Variants in C4orf50 observed in about 807,000 individuals in gnomAD.
C4orf50 encodes uncharacterized protein C4orf50.
In C4orf50, 80 loss-of-function variants were observed where a neutral mutation model predicts 77.2. That is an observed-to-expected ratio of 1.04 (90% confidence interval 0.87 to 1.25). The LOEUF is 1.25. Among genes scored for constraint, C4orf50 ranks in the 50% most tolerant of loss-of-function variants. The pLI is 0.00. For missense variants in C4orf50, 1,257 were observed against 1,152.9 expected (o/e 1.09, Z -1.31); for synonymous variants, 532 against 465.3 (o/e 1.14, Z -1.84).
intron 7 of C4orf50, among the ~76,000 whole-genome samples, chr4:5,944,631 G>A (rs1718406274): frequency 6.6e-6 from 1 of 152,106 alleles, no homozygotes; most frequent in East Asian, 1.9e-4. Flanking sequence ...CCCCACGCCT[G>A]GCCTGTGCTG....
intron 7 of C4orf50, among the ~76,000 whole-genome samples, chr4:5,914,398 G>T (rs1235709314): frequency 6.6e-6 from 1 of 151,812 alleles, no homozygotes; most frequent in Non-Finnish European, 1.5e-5. Context: ...TAGAGATGGG[G>T]TTTCACCGTG....
In C4orf50 at chr4:5,908,557, C is replaced by T. The variant is rs535156213; in HGVS notation, c.*2475-10369G>A. Among the ~76,000 whole-genome samples the T allele has an allele frequency of 5.9e-5, 9 of 152,000 alleles. No individual in the cohort carries two copies. The highest frequency in any genetic ancestry group is 2.1e-4 in the South Asian group (1 of 4,806). On this transcript the variant is annotated intron_variant, in intron 7 of 7. Transcript: ENST00000324058. This position sits in a 1 kb window ranked among gnomAD's most constrained non-coding sequence, Gnocchi z 5.6. ...ATGGCAGAGACTCCAAGCAGGGAGA[C>T]GACCATGCGATGGGGAGGGGGGAAA...
At chr4:6,003,844 G>A (rs1721988299) in intron 25 of C4orf50, among the ~76,000 whole-genome samples, 1 of 116,050 alleles carries the variant, frequency 8.6e-6, no homozygotes, top group Non-Finnish European at 1.8e-5. Context: ...ATGTGATAGT[G>A]ATGATGGTGA....
intron 31 of C4orf50, among the ~76,000 whole-genome samples, chr4:5,969,453 GC>G (rs1175233039): frequency 3.0e-5 from 4 of 134,560 alleles, no homozygotes; most frequent in African/African-American, 9.4e-5. Context: ...GCAGGAGGTG[GC>G]AGGAGGAGGA....
chr4:5,932,381 C>T lies in C4orf50; in HGVS notation c.*2474+24520G>A, dbSNP rs1297443666. ...GCTTGCCTGGTGCTGTCCTGGTGCC[C>T]AAGTCCTGAACCTGAGGTGACCAGG... On this transcript the variant is annotated intron_variant, in intron 7 of 7. Transcript: ENST00000324058. The surrounding 1 kb of genome is among the most constrained non-coding windows in gnomAD (Gnocchi z 4.2). 1.3e-5 allele frequency among the ~76,000 whole-genome samples: 2 copies of T among 152,132 alleles called. No individual in the cohort carries two copies. The highest frequency in any genetic ancestry group is 6.5e-5 in the Admixed American group (1 of 15,270).
intron 7 of C4orf50, among the ~76,000 whole-genome samples, chr4:5,930,145 G>A (rs115066058): frequency 0.037 from 5,584 of 152,190 alleles, 138 homozygotes; most frequent in African/African-American, 0.068. Flanking sequence ...ACTGAGAATC[G>A]GGGAGCCTGG....
intron 7 of C4orf50, among the ~76,000 whole-genome samples, chr4:5,947,119 TG>T (rs1295842883): frequency 3.3e-5 from 5 of 152,136 alleles, no homozygotes; most frequent in African/African-American, 1.2e-4. Context: ...TGAACAGTAA[TG>T]TATTATTTTA....
At chr4:5,928,379 T>TACAC (rs765175509) in intron 7 of C4orf50, among the ~76,000 whole-genome samples, 9,593 of 95,848 alleles carry the variant, frequency 0.1, 510 homozygotes, top group African/African-American at 0.17. Context: ...CACACACACA[T>TACAC]ACACACACAC....
At chr4:5,981,342 T>C (rs1720571738) in intron 28 of C4orf50, among the ~76,000 whole-genome samples, 1 of 151,890 alleles carries the variant, frequency 6.6e-6, no homozygotes, top group African/African-American at 2.4e-5. Context: ...TACTTAGACA[T>C]ACCTCTGATG....
rs1716347515 is a variant in C4orf50 at position 5,901,613 on chromosome 4, A to G, written c.*2475-3425T>C. 6.6e-6 allele frequency: 1 copy of G among 152,214 alleles called. No individual in the cohort carries two copies. Among genetic ancestry groups the G allele is most frequent in the Admixed American group, 6.5e-5 (1 of 15,284 alleles). The allele number at this position is 152,214 out of a possible 1,614,324, so 9.4% of individuals were successfully genotyped here. On this transcript the variant is annotated intron_variant, in intron 7 of 7. Coordinates refer to the C4orf50 transcript ENST00000324058. This position sits in a 1 kb window ranked among gnomAD's most constrained non-coding sequence, Gnocchi z 4.4. Reference sequence around the variant, plus strand: ...TCCATCCGTATTCCCATTTCATTCAAAGCCTAAAGGTAAACTAAGAGGCAA... The same window carrying G: ...TCCATCCGTATTCCCATTTCATTCAGAGCCTAAAGGTAAACTAAGAGGCAA...
chr4:5,974,074 C>T (rs1482360211), intron 30 of C4orf50, among the ~76,000 whole-genome samples: 1 of 152,206 alleles, frequency 6.6e-6, no homozygotes, highest in Non-Finnish European at 1.5e-5. Context: ...TCCATGGGGT[C>T]TAGGCTCAAG....
downstream of C4orf50, among the ~76,000 whole-genome samples, chr4:5,953,120 C>G (rs1718801161): frequency 6.6e-6 from 1 of 152,088 alleles, no homozygotes; most frequent in Non-Finnish European, 1.5e-5. Context: ...CCTGCCATAG[C>G]AGAGGAGTGT....
intron 29 of C4orf50, among the ~76,000 whole-genome samples, chr4:5,977,128 C>T (rs991851969): frequency 2.6e-5 from 4 of 152,178 alleles, no homozygotes; most frequent in African/African-American, 9.7e-5. Flanking sequence ...TGAGTGAGGC[C>T]GCCGGGGACC....
Position 5,992,184 on chromosome 4 carries a change from A to G in C4orf50, c.1221+619T>C, listed in dbSNP as rs1331619990. Among the ~76,000 whole-genome samples the G allele has an allele frequency of 6.6e-6, 1 of 152,206 alleles. No homozygotes were observed. ...AGGGATGTGACATCCAACAACAAAA[A>G]TAAGAGATACATCGTGAGCAGGATG... On this transcript the variant is annotated intron_variant, in intron 27 of 33. Coordinates refer to ENST00000531445, the Ensembl canonical transcript of C4orf50. This position sits in a 1 kb window ranked among gnomAD's most constrained non-coding sequence, Gnocchi z 5.0.
In C4orf50 at chr4:5,948,669, C is replaced by G. The variant is rs1718589956; in HGVS notation, c.*2474+8232G>C. Among the ~76,000 whole-genome samples, 5 of 152,216 alleles carry G rather than the reference C, an allele frequency of 3.3e-5. No individual in the cohort carries two copies. In the South Asian group the frequency reaches 1.0e-3, roughly 32 times the overall value. On this transcript the variant is annotated intron_variant, in intron 7 of 7. Transcript: ENST00000324058. ...AATTAGCCGGGTGTGGTGCCATGCA[C>G]CTGTAGTCCCAGCTACTCAGGAGGC...
chr4:5,940,727 G>A (rs1160227225), intron 7 of C4orf50, among the ~76,000 whole-genome samples: 4 of 152,200 alleles, frequency 2.6e-5, no homozygotes, highest in Non-Finnish European at 4.4e-5. Flanking sequence ...CACATGCTTA[G>A]ACCAATAGAA....
chr4:5,953,371 G>A (rs549030268), downstream of C4orf50, among the ~76,000 whole-genome samples: 1 of 152,290 alleles, frequency 6.6e-6, no homozygotes, highest in South Asian at 2.1e-4. Context: ...GACTCACCTA[G>A]AGACACACAG....
intron 7 of C4orf50, among the ~76,000 whole-genome samples, chr4:5,939,010 G>C (rs1192341855): frequency 6.6e-6 from 1 of 152,140 alleles, no homozygotes; most frequent in Non-Finnish European, 1.5e-5. Context: ...GGGAGGCCAA[G>C]GCAGGGGGAT....
At chr4:5,923,399 T>C (rs553006831) in intron 7 of C4orf50, 1 of 154,162 alleles carries the variant, frequency 6.5e-6, no homozygotes, top group Non-Finnish European at 1.5e-5. Flanking sequence ...ATTGTGTTCA[T>C]TGCTAACAAG....
Sources: gnomAD v4.1 joint callset for allele counts (sites outside exome capture counted in the v4.1 genomes callset) on GRCh38, gnomAD v4.1.1 for gene constraint, Gnocchi (gnomAD v3.1) non-coding constraint, MANE v1.5 for transcripts, NCBI Gene and HGNC (gene_info 2026-07-23, HGNC 2026-07-21) for gene names.